PIBF1: variants seen among roughly 807,000 people sequenced by gnomAD.
The protein encoded by PIBF1 is progesterone immunomodulatory binding factor 1.
In PIBF1, 90 loss-of-function variants were observed where a neutral mutation model predicts 112.5. The ratio of observed to expected loss-of-function variants is 0.80; its 90% CI spans 0.67 to 0.95. The LOEUF is 0.95. Ranked by LOEUF, PIBF1 falls within the 40% of genes least tolerant of loss-of-function variation. The pLI is 0.00. For missense variants in PIBF1, 915 were observed against 852.3 expected, an observed-to-expected ratio of 1.07 and a Z score of -0.92; for synonymous variants, 301 against 288.6, an observed-to-expected ratio of 1.04 and a Z score of -0.44.
At chr13:72,821,756 C>A in intron 5 of PIBF1, 93 bp from the exon 6 acceptor site, 1 of 848,858 alleles carries the variant, frequency 1.2e-6, no homozygotes, top group Non-Finnish European at 1.7e-6. Context: ...ATTACAAGGA[C>A]AATCACAGCT....
intron 17 of PIBF1, among the ~76,000 whole-genome samples, chr13:73,001,581 A>ATTTTTTTTTTTTTTTTTT (rs1491176240): frequency 1.7e-3 from 4 of 2,390 alleles, no homozygotes; most frequent in Non-Finnish European, 2.4e-3. Flanking sequence ...TAAGAGCTTG[A>ATTTTTTTTTTTTTTTTTT]CTTTTTTTTT....
At chr13:72,964,052 A>G (rs1304334058) in intron 14 of PIBF1, among the ~76,000 whole-genome samples, 1 of 152,256 alleles carries the variant, frequency 6.6e-6, no homozygotes, top group Non-Finnish European at 1.5e-5. Context: ...TCATAGCAGC[A>G]TTATTCACAA....
At chr13:72,893,494 A>G (rs145221210) in intron 10 of PIBF1, among the ~76,000 whole-genome samples, 23 of 152,282 alleles carry the variant, frequency 1.5e-4, no homozygotes, top group Non-Finnish European at 2.4e-4. Context: ...ATTCTAAGCA[A>G]TGTAACTGAA....
intron 13 of PIBF1, among the ~76,000 whole-genome samples, chr13:72,929,274 G>A (rs1198317892): frequency 6.6e-6 from 1 of 152,146 alleles, no homozygotes; most frequent in East Asian, 1.9e-4. Flanking sequence ...GGAATCAACG[G>A]ATTTTAAATG....
chr13:72,993,704 G>A (rs372154760), intron 16 of PIBF1, among the ~76,000 whole-genome samples: 2 of 144,764 alleles, frequency 1.4e-5, no homozygotes, highest in Non-Finnish European at 3.0e-5. Flanking sequence ...CAAGATCACG[G>A]CATTGCACTC....
intron 13 of PIBF1, among the ~76,000 whole-genome samples, chr13:72,922,932 T>G (rs1387519570): frequency 1.3e-5 from 2 of 152,192 alleles, no homozygotes; most frequent in Non-Finnish European, 2.9e-5. Context: ...TGTTTAGTCC[T>G]TAGTCATTTC....
At chr13:72,980,147 T>C (rs2043121327) in intron 16 of PIBF1, among the ~76,000 whole-genome samples, 1 of 152,130 alleles carries the variant, frequency 6.6e-6, no homozygotes, top group Non-Finnish European at 1.5e-5. Flanking sequence ...TGTAGGTTCT[T>C]GTGCCCAAGA....
At chr13:72,959,731 AATG>A (rs1292752382) in intron 14 of PIBF1, among the ~76,000 whole-genome samples, 2 of 152,212 alleles carry the variant, frequency 1.3e-5, no homozygotes, top group African/African-American at 4.8e-5. Flanking sequence ...CAAAAGATAT[AATG>A]ATGTTTTAAT....
At chr13:72,861,044 A>G (rs1037284853) in intron 10 of PIBF1, among the ~76,000 whole-genome samples, 2 of 152,232 alleles carry the variant, frequency 1.3e-5, no homozygotes, top group Non-Finnish European at 2.9e-5. Flanking sequence ...GGGCTACTAC[A>G]TAGAATACTA....
At position 72,993,704 on chromosome 13, in the gene PIBF1, G is replaced by C. The variant is rs372154760; in HGVS notation, c.2050-5118G>C. 7.6e-5 allele frequency among the ~76,000 whole-genome samples: 11 copies of C among 144,852 alleles called. No homozygotes were observed. In the East Asian group the frequency reaches 1.2e-3, roughly 16 times the overall value. On this transcript the variant is annotated intron_variant, in intron 16 of 17. Transcript: ENST00000326291. Reference sequence around the variant, plus strand: ...GAGCTTGCAGTGAGCCAAGATCACGGCATTGCACTCTAGCCTGGGCGACAG... The same window carrying C: ...GAGCTTGCAGTGAGCCAAGATCACGCCATTGCACTCTAGCCTGGGCGACAG...
intron 13 of PIBF1, among the ~76,000 whole-genome samples, chr13:72,922,406 G>A (rs1263717251): frequency 7.2e-5 from 11 of 152,160 alleles, no homozygotes; most frequent in Admixed American, 3.3e-4. Flanking sequence ...TTTCCTTTCA[G>A]TTGTGATTGT....
At chr13:72,866,640 A>G (rs983991550) in intron 10 of PIBF1, among the ~76,000 whole-genome samples, 8 of 152,172 alleles carry the variant, frequency 5.3e-5, no homozygotes, top group Non-Finnish European at 8.8e-5. Flanking sequence ...TTAAAGAAAC[A>G]GTAGTTATAC....
intron 10 of PIBF1, among the ~76,000 whole-genome samples, chr13:72,869,251 T>A (rs1198050216): frequency 3.3e-5 from 5 of 152,146 alleles, no homozygotes; most frequent in South Asian, 2.1e-4. Context: ...ATTGAGAAAG[T>A]GTGGCACGTG....
At chr13:72,979,795 G>A (rs866423003) in intron 16 of PIBF1, among the ~76,000 whole-genome samples, 12 of 152,014 alleles carry the variant, frequency 7.9e-5, no homozygotes, top group African/African-American at 1.4e-4. Flanking sequence ...GGTGGTGGGC[G>A]CCTGTAGTTC....
chr13:72,826,596 G>A (rs1257475433), intron 6 of PIBF1, among the ~76,000 whole-genome samples: 6 of 151,762 alleles, frequency 4.0e-5, no homozygotes, highest in South Asian at 4.2e-4. Flanking sequence ...GCCTGCCTAC[G>A]TATCTACTAT....
At chr13:72,931,666 A>G (rs887518723) in intron 14 of PIBF1, among the ~76,000 whole-genome samples, 2 of 146,204 alleles carry the variant, frequency 1.4e-5, no homozygotes, top group Non-Finnish European at 3.0e-5. Context: ...TTACACTTAG[A>G]AAATCAGGCT....
intron 10 of PIBF1, among the ~76,000 whole-genome samples, chr13:72,876,798 CT>C (rs1029038563): frequency 5.9e-5 from 9 of 152,178 alleles, no homozygotes; most frequent in Non-Finnish European, 1.3e-4. Context: ...GCTATAATCA[CT>C]TACTAGTTCC....
intron 16 of PIBF1, among the ~76,000 whole-genome samples, chr13:72,984,473 A>ATAAG (rs1026738004): frequency 6.6e-6 from 1 of 152,188 alleles, no homozygotes; most frequent in Non-Finnish European, 1.5e-5. Flanking sequence ...TCAGTAAATA[A>ATAAG]TAAGTGTGTT....
At chr13:72,968,666 G>A (rs1209296227) in intron 15 of PIBF1, among the ~76,000 whole-genome samples, 1 of 151,836 alleles carries the variant, frequency 6.6e-6, no homozygotes, top group Non-Finnish European at 1.5e-5. Context: ...AAATTAAATT[G>A]TTTAAATTAT....
Sources: gnomAD v4.1 joint callset for allele counts (sites outside exome capture counted in the v4.1 genomes callset) on GRCh38, gnomAD v4.1.1 for gene constraint, MANE v1.5 for transcripts, NCBI Gene and HGNC (gene_info 2026-07-23, HGNC 2026-07-21) for gene names.